Variants in MYO18B observed in about 807,000 individuals in gnomAD.
MYO18B encodes the protein unconventional myosin-XVIIIb.
Under a neutral mutation model 273.0 loss-of-function variants are expected in MYO18B, and 204 were observed. The observed-to-expected ratio is 0.75, with a 90% CI of 0.67 to 0.84. The LOEUF is 0.84. Among genes scored for constraint, MYO18B ranks in the 40% least tolerant of loss-of-function variants. The pLI is 0.00. For missense variants in MYO18B, 3,212 were observed against 3,287.6 expected, an observed-to-expected ratio of 0.98 and a Z score of 0.56; for synonymous variants, 1,330 against 1,305.7, an observed-to-expected ratio of 1.02 and a Z score of -0.40.
intron 21 of MYO18B, among the ~76,000 whole-genome samples, chr22:25,857,031 A>G (rs1162124810): frequency 1.3e-5 from 2 of 152,158 alleles, no homozygotes; most frequent in Non-Finnish European, 2.9e-5. Flanking sequence ...ACCCAGGCAC[A>G]TACTGAAGCC....
At chr22:25,767,041 A>G (rs994580685) in intron 3 of MYO18B, among the ~76,000 whole-genome samples, 1 of 152,234 alleles carries the variant, frequency 6.6e-6, no homozygotes, top group African/African-American at 2.4e-5. Context: ...ATTCCCAGGC[A>G]TGGGTGTCTG....
the MYO18B span, among the ~76,000 whole-genome samples, chr22:26,048,495 T>G: frequency 6.6e-6 from 1 of 152,170 alleles, no homozygotes; most frequent in Non-Finnish European, 1.5e-5. Flanking sequence ...ATGACTCCTG[T>G]GACCTGCCTG....
Position 25,806,063 on chromosome 22 carries a change from T to C in MYO18B, c.2521+7966T>C, listed in dbSNP as rs557404976. ...GGTCTTGTCTGATTCTGCTCATCGT[T>C]GCATCCCCAGGGCCTAGCACAGGGC... On this transcript the variant is annotated intron_variant, in intron 12 of 43. Transcript: ENST00000335473. Among the ~76,000 whole-genome samples, 3 of 152,320 alleles carry C rather than the reference T, an allele frequency of 2.0e-5. No homozygotes were observed. In the South Asian group the frequency reaches 6.2e-4, roughly 32 times the overall value.
At chr22:25,955,425 C>G (rs2092838898) in intron 39 of MYO18B, 61 bp downstream of exon 39, 4 of 1,515,912 alleles carry the variant, frequency 2.6e-6, no homozygotes, top group Middle Eastern at 2.4e-4. Flanking sequence ...GGTAGACCCC[C>G]CTTTCTTAAG....
intron 33 of MYO18B, among the ~76,000 whole-genome samples, chr22:25,915,046 TA>T (rs1012635545): frequency 5.6e-4 from 83 of 148,266 alleles, no homozygotes; most frequent in East Asian, 3.5e-3. Flanking sequence ...TCAACAAATT[TA>T]AAAAAAAAAA....
chr22:25,948,459 C>CTTCCTTCT (rs1442898869), intron 36 of MYO18B, among the ~76,000 whole-genome samples: 177 of 67,670 alleles, frequency 2.6e-3, no homozygotes, highest in African/African-American at 4.9e-3. Flanking sequence ...TCCTTCCTTC[C>CTTCCTTCT]TTCTTTCTTT....
At chr22:26,034,578 A>C (rs766312620), downstream of MYO18B, among the ~76,000 whole-genome samples, 7 of 152,244 alleles carry the variant, frequency 4.6e-5, no homozygotes, top group Non-Finnish European at 8.8e-5. Flanking sequence ...GGCTCCAACC[A>C]TATGGCTGTG....
At chr22:26,007,512 G>A (rs763015058) in intron 42 of MYO18B, among the ~76,000 whole-genome samples, 23 of 152,164 alleles carry the variant, frequency 1.5e-4, no homozygotes, top group Non-Finnish European at 2.8e-4. Context: ...CTGTTTATTA[G>A]TACTAAAACT....
At chr22:25,776,620 A>C (rs1447817149) in intron 7 of MYO18B, among the ~76,000 whole-genome samples, 1 of 152,056 alleles carries the variant, frequency 6.6e-6, no homozygotes, top group Non-Finnish European at 1.5e-5. Flanking sequence ...AAAAACAAAA[A>C]CAAAAAAACA....
chr22:25,783,713 G>A (rs1294670369), intron 10 of MYO18B, among the ~76,000 whole-genome samples: 1 of 152,236 alleles, frequency 6.6e-6, no homozygotes, highest in Non-Finnish European at 1.5e-5. Context: ...GCCTAGGCCA[G>A]GGGCCCTCCA....
At chr22:25,771,894 G>C (rs2086733107) in intron 6 of MYO18B, among the ~76,000 whole-genome samples, 1 of 152,174 alleles carries the variant, frequency 6.6e-6, no homozygotes, top group South Asian at 2.1e-4. Context: ...GAGGTGGTTT[G>C]GCCATTGGCC....
intron 42 of MYO18B, among the ~76,000 whole-genome samples, chr22:26,014,538 G>C (rs1935161359): frequency 6.6e-6 from 1 of 152,164 alleles, no homozygotes. Flanking sequence ...GCTTCCCACT[G>C]TCCTTAAATT....
intron 9 of MYO18B, among the ~76,000 whole-genome samples, chr22:25,780,714 G>C (rs1189385184): frequency 2.6e-5 from 4 of 151,944 alleles, no homozygotes; most frequent in Non-Finnish European, 5.9e-5. Flanking sequence ...CACCTCGCTA[G>C]GTGCCCTGGA....
intron 34 of MYO18B, among the ~76,000 whole-genome samples, chr22:25,923,411 G>C (rs1309115086): frequency 6.6e-6 from 1 of 152,210 alleles, no homozygotes; most frequent in Non-Finnish European, 1.5e-5. Flanking sequence ...ACCTGTGCTT[G>C]AACGCATTGC....
chr22:25,826,834 A>T (rs991699031), intron 14 of MYO18B, among the ~76,000 whole-genome samples: 2 of 152,090 alleles, frequency 1.3e-5, no homozygotes, highest in Non-Finnish European at 2.9e-5. Context: ...CTGAAGTAGG[A>T]GGATCACCTG....
the MYO18B span, among the ~76,000 whole-genome samples, chr22:26,060,984 A>G: frequency 1.3e-5 from 2 of 150,028 alleles, no homozygotes; most frequent in Non-Finnish European, 3.0e-5. Context: ...ACATATACAC[A>G]CATACCACAT....
At chr22:26,017,668 T>C (rs372350610) in intron 42 of MYO18B, among the ~76,000 whole-genome samples, 11 of 152,360 alleles carry the variant, frequency 7.2e-5, no homozygotes, top group African/African-American at 2.4e-4. Flanking sequence ...AGTGGGTACA[T>C]GTGCAGGTGT....
intron 11 of MYO18B, among the ~76,000 whole-genome samples, chr22:25,789,357 T>C (rs2087551739): frequency 6.6e-6 from 1 of 152,084 alleles, no homozygotes. Flanking sequence ...AAATTATGGC[T>C]GGGCTCAGTG....
intron 34 of MYO18B, among the ~76,000 whole-genome samples, chr22:25,939,570 G>T (rs2146545879): frequency 6.6e-6 from 1 of 152,298 alleles, no homozygotes; most frequent in Non-Finnish European, 1.5e-5. Flanking sequence ...GCTCTGATTG[G>T]GTAGGCTGGG....
Sources: gnomAD v4.1 joint callset for allele counts (sites outside exome capture counted in the v4.1 genomes callset) on GRCh38, gnomAD v4.1.1 for gene constraint, MANE v1.5 for transcripts, NCBI Gene and HGNC (gene_info 2026-07-23, HGNC 2026-07-21) for gene names.